MEGF10: variants seen among roughly 807,000 people sequenced by gnomAD.
MEGF10 encodes multiple EGF like domains 10.
MEGF10 carries 86 observed loss-of-function variants against 147.5 expected under a neutral mutation model. The ratio of observed to expected loss-of-function variants is 0.58; its 90% CI spans 0.49 to 0.70. The LOEUF is 0.70. Ranked by LOEUF, MEGF10 falls within the 30% of genes least tolerant of loss-of-function variation. The probability of loss-of-function intolerance (pLI) is 0.00; values close to 1 mark genes in which losing one functional copy is unlikely to be tolerated. For synonymous variants in MEGF10, 478 were observed against 525.5 expected (o/e 0.91, Z 1.24); for missense variants, 1,329 against 1,487.3 (o/e 0.89, Z 1.75).
the MEGF10 span, among the ~76,000 whole-genome samples, chr5:127,258,605 T>C: frequency 1.3e-5 from 2 of 152,230 alleles, no homozygotes; most frequent in Admixed American, 6.5e-5. Context: ...CCAAAACTTA[T>C]GTCAAAATTT....
chr5:127,271,220 A>G, the MEGF10 span, among the ~76,000 whole-genome samples: 2 of 152,018 alleles, frequency 1.3e-5, no homozygotes, highest in African/African-American at 4.8e-5. Context: ...CCTCACCAGC[A>G]CTTGTTTCTT....
In MEGF10 at chr5:127,447,575, A is replaced by G. The variant is rs1765994598; in HGVS notation, c.2747A>G (p.Asn916Ser). 2.5e-6 allele frequency: 4 copies of G among 1,614,090 alleles called. No homozygotes were observed. Among genetic ancestry groups the G allele is most frequent in the Non-Finnish European group, 3.4e-6 (4 of 1,179,978 alleles). ...YTISGTLPHS[N>S]GGNANSHYFT... The stretch of plus-strand genomic sequence containing the variant: ...CTTGCAGGAACCCTTCCTCACAGCA[A>G]TGGTGGAAACGCTAATAGCCACTAC... Residue 916 changes from asparagine (N) to serine (S), a missense_variant, in exon 21 of 25, where the codon AAT becomes AGT. Physicochemically the swap from Asn to Ser is conservative, Grantham distance 46. Coordinates refer to ENST00000503335, the MANE Select transcript of MEGF10 (RefSeq NM_001256545.2).
upstream of MEGF10, among the ~76,000 whole-genome samples, chr5:127,287,771 A>G (rs1447336351): frequency 2.6e-5 from 4 of 152,054 alleles, no homozygotes; most frequent in African/African-American, 9.6e-5. Context: ...CAAAAACAAA[A>G]GCTGAAGAGT....
At chr5:127,423,696 C>T (rs372281209) in intron 13 of MEGF10, among the ~76,000 whole-genome samples, 1 of 152,034 alleles carries the variant, frequency 6.6e-6, no homozygotes, top group African/African-American at 2.4e-5. Flanking sequence ...TTATATAAAT[C>T]CCTGCTCAGA....
At chr5:127,239,693 T>G in the MEGF10 span, among the ~76,000 whole-genome samples, 1 of 152,038 alleles carries the variant, frequency 6.6e-6, no homozygotes, top group South Asian at 2.1e-4. Flanking sequence ...AGGCCAGCAT[T>G]GATTGTTGTT....
At chr5:127,257,325 AG>A in the MEGF10 span, among the ~76,000 whole-genome samples, 2 of 145,566 alleles carry the variant, frequency 1.4e-5, no homozygotes, top group African/African-American at 2.6e-5. Flanking sequence ...AAAAAAAAAA[AG>A]CTTTCTTAGT....
intron 1 of MEGF10, among the ~76,000 whole-genome samples, chr5:127,292,284 T>A (rs544728484): frequency 6.6e-6 from 1 of 152,320 alleles, no homozygotes; most frequent in Non-Finnish European, 1.5e-5. Context: ...AGTTACTTAA[T>A]CTGTTTATCC....
chr5:127,391,104 A>ACGCG lies in MEGF10; in HGVS notation c.413-5427_413-5426insGCGC, dbSNP rs1322506899. On this transcript the variant is annotated intron_variant, in intron 5 of 24. Coordinates refer to ENST00000503335, the MANE Select transcript of MEGF10 (RefSeq NM_001256545.2). ...TACACACATGCGCGCGCGCGCGCGC[A>ACGCG]CACACACACACACACACACACACAC... Among the ~76,000 whole-genome samples, 13 of 49,434 alleles carry ACGCG rather than the reference A, an allele frequency of 2.6e-4. No homozygotes were observed. In the East Asian group the frequency reaches 5.8e-3, roughly 22 times the overall value. The allele number at this position is 49,434 out of a possible 152,430, so 32.4% of individuals were successfully genotyped here. A position where few individuals can be genotyped will look rare whatever the true frequency, so the allele number is the denominator to read the frequency against.
chr5:127,439,426 A>G (rs973255488), intron 17 of MEGF10, among the ~76,000 whole-genome samples: 4 of 152,170 alleles, frequency 2.6e-5, no homozygotes, highest in South Asian at 4.2e-4. Context: ...CTTATTTAAT[A>G]CTAATTAGAG....
chr5:127,440,451 A>T (rs939137240), intron 17 of MEGF10, among the ~76,000 whole-genome samples: 1 of 152,168 alleles, frequency 6.6e-6, no homozygotes, highest in East Asian at 1.9e-4. Flanking sequence ...GATTGAAGGG[A>T]TATTTTGTTA....
chr5:127,319,424 A>G (rs1760707557), intron 1 of MEGF10, among the ~76,000 whole-genome samples: 2 of 152,130 alleles, frequency 1.3e-5, no homozygotes, highest in Non-Finnish European at 2.9e-5. Context: ...ATATTTGTTC[A>G]GATTTACATA....
rs951300611 is a variant in MEGF10, at chr5:127,459,027, T to C, written c.*1709T>C. The C allele has an allele frequency of 7.2e-5, 11 of 152,298 alleles. No individual in the cohort carries two copies. The highest frequency in any genetic ancestry group is 6.2e-4 in the South Asian group (3 of 4,832). The allele number at this position is 152,298 out of a possible 1,614,324, so 9.4% of individuals were successfully genotyped here. On this transcript the variant is annotated 3_prime_UTR_variant, in exon 25 of 25. Transcript: ENST00000503335. The stretch of plus-strand genomic sequence containing the variant: ...TGACCAAGCAAAGGGGCTGAAAAAC[T>C]GAATAAGGAAACAACTTTATAAGAG...
chr5:127,244,753 C>T, the MEGF10 span, among the ~76,000 whole-genome samples: 1 of 152,048 alleles, frequency 6.6e-6, no homozygotes, highest in Non-Finnish European at 1.5e-5. Flanking sequence ...CTAAACCAAG[C>T]TATTGTCAAA....
intron 16 of MEGF10, 87 bp from the exon 17 acceptor site, chr5:127,438,352 A>C (rs1210587164): frequency 7.0e-7 from 1 of 1,420,308 alleles, no homozygotes; most frequent in Non-Finnish European, 9.7e-7. Context: ...TCTCACATGC[A>C]GGGAGATGTG....
intron 10 of MEGF10, among the ~76,000 whole-genome samples, chr5:127,418,462 G>A (rs1764860144): frequency 6.6e-6 from 1 of 152,194 alleles, no homozygotes; most frequent in Non-Finnish European, 1.5e-5. Context: ...TGTAGAACTG[G>A]TGGATCATAA....
At chr5:127,454,648 T>C in intron 23 of MEGF10, 38 bp downstream of exon 23, 1 of 1,564,202 alleles carries the variant, frequency 6.4e-7, no homozygotes, top group African/African-American at 1.4e-5. Flanking sequence ...AGAAGCACAA[T>C]TAAATTTTTT....
chr5:127,407,270 CTTTCA>C (rs1401644093), intron 8 of MEGF10, among the ~76,000 whole-genome samples: 6 of 152,128 alleles, frequency 3.9e-5, no homozygotes, highest in Non-Finnish European at 5.9e-5. Context: ...GAATGTGATT[CTTTCA>C]CACTAAATCA....
At chr5:127,396,488 C>G in intron 5 of MEGF10, 44 bp from the exon 6 acceptor site, 6 of 1,479,524 alleles carry the variant, frequency 4.1e-6, no homozygotes, top group Non-Finnish European at 5.4e-6. Context: ...AAATCTGGTT[C>G]TCCCTTACCC....
At chr5:127,327,371 C>G (rs1043146962) in intron 1 of MEGF10, among the ~76,000 whole-genome samples, 32 of 152,080 alleles carry the variant, frequency 2.1e-4, no homozygotes, top group African/African-American at 7.5e-4. Flanking sequence ...TGAGGGTAGC[C>G]AACACCCAAT....
Sources: allele counts gnomAD v4.1 joint callset (sites outside exome capture counted in the v4.1 genomes callset), GRCh38; gene constraint gnomAD v4.1.1; transcripts MANE v1.5; gene names NCBI Gene and HGNC (gene_info 2026-07-23, HGNC 2026-07-21).